Variants in THADA observed in about 807,000 individuals in gnomAD.
THADA encodes the protein tRNA (32-2'-O)-methyltransferase regulator THADA.
A neutral mutation model predicts 219.8 loss-of-function variants in THADA; 213 were observed. The observed-to-expected ratio is 0.97, with a 90% CI of 0.87 to 1.09. The LOEUF (loss-of-function observed/expected upper bound fraction) is 1.09. THADA is among the 50% of genes least tolerant of loss of function. THADA has a pLI of 0.00. For synonymous variants in THADA, 1,018 were observed against 828.9 expected, an observed-to-expected ratio of 1.23 and a Z score of -3.92; for missense variants, 2,956 against 2,311.3, an observed-to-expected ratio of 1.28 and a Z score of -5.72.
chr2:43,297,935 A>ACG (rs1675748692), intron 31 of THADA, among the ~76,000 whole-genome samples: 1 of 78,574 alleles, frequency 1.3e-5, no homozygotes, highest in African/African-American at 8.0e-5. Flanking sequence ...GCCAGCCGCC[A>ACG]TCCGGGAGGG....
At chr2:43,552,713 T>C (rs1310453926) in intron 17 of THADA, among the ~76,000 whole-genome samples, 3 of 152,074 alleles carry the variant, frequency 2.0e-5, no homozygotes, top group Non-Finnish European at 4.4e-5. Context: ...ACAAAATTCA[T>C]ACATTTGAAG....
chr2:43,546,404 A>C (rs575675159), intron 20 of THADA, among the ~76,000 whole-genome samples: 1 of 152,290 alleles, frequency 6.6e-6, no homozygotes, highest in East Asian at 1.9e-4. Flanking sequence ...TGCAGAACTG[A>C]GTTCAATTCC....
intron 35 of THADA, among the ~76,000 whole-genome samples, chr2:43,281,596 C>T (rs1673371938): frequency 6.6e-6 from 1 of 151,830 alleles, no homozygotes; most frequent in Admixed American, 6.6e-5. Context: ...TATGCACCAC[C>T]ACACCCGGCT....
intron 21 of THADA, among the ~76,000 whole-genome samples, chr2:43,534,875 T>A (rs1461512696): frequency 6.6e-6 from 1 of 152,202 alleles, no homozygotes; most frequent in Non-Finnish European, 1.5e-5. Context: ...GTGGGATTGC[T>A]GGATCATACG....
intron 28 of THADA, among the ~76,000 whole-genome samples, chr2:43,412,377 T>G (rs1299786185): frequency 1.3e-5 from 2 of 152,176 alleles, no homozygotes; most frequent in Non-Finnish European, 2.9e-5. Context: ...TCAATACTGT[T>G]TAACTTTTGG....
At chr2:43,591,397 A>G (rs1283172984) in intron 3 of THADA, among the ~76,000 whole-genome samples, 2 of 152,164 alleles carry the variant, frequency 1.3e-5, no homozygotes, top group African/African-American at 4.8e-5. Context: ...ATACTGATTT[A>G]AACACCTATT....
At chr2:43,473,030 AC>A (rs1685097931) in intron 26 of THADA, among the ~76,000 whole-genome samples, 2 of 152,332 alleles carry the variant, frequency 1.3e-5, no homozygotes, top group South Asian at 4.1e-4. Context: ...GGCCTAGAAC[AC>A]TGCTGTACAC....
intron 21 of THADA, among the ~76,000 whole-genome samples, chr2:43,533,994 G>C (rs1226035527): frequency 6.6e-6 from 1 of 152,084 alleles, no homozygotes; most frequent in South Asian, 2.1e-4. Context: ...AAATAATAGA[G>C]TTTAGTAATA....
intron 28 of THADA, among the ~76,000 whole-genome samples, chr2:43,415,771 G>A (rs1169646795): frequency 6.6e-6 from 1 of 152,072 alleles, no homozygotes; most frequent in Non-Finnish European, 1.5e-5. Flanking sequence ...CAAGGAGGAG[G>A]ACACAAGGAA....
chr2:43,381,857 T>A (rs1672075376), intron 29 of THADA, among the ~76,000 whole-genome samples: 1 of 152,184 alleles, frequency 6.6e-6, no homozygotes, highest in Admixed American at 6.5e-5. Context: ...AGTGCTGGGA[T>A]TATGACATGA....
intron 31 of THADA, among the ~76,000 whole-genome samples, chr2:43,314,780 T>C (rs1677890857): frequency 1.3e-5 from 2 of 152,170 alleles, no homozygotes; most frequent in South Asian, 2.1e-4. Context: ...ATACTAACGA[T>C]GACAGCTGGA....
chr2:43,447,249 T>C (rs1433434295), intron 26 of THADA, among the ~76,000 whole-genome samples: 1 of 152,094 alleles, frequency 6.6e-6, no homozygotes, highest in Non-Finnish European at 1.5e-5. Context: ...GGAACTACAA[T>C]TCAAGATGAG....
At chr2:43,270,817 C>T (rs1672032477) in intron 36 of THADA, among the ~76,000 whole-genome samples, 1 of 152,164 alleles carries the variant, frequency 6.6e-6, no homozygotes, top group South Asian at 2.1e-4. Context: ...TGTGAACAGC[C>T]ACCAGTACTC....
chr2:43,574,137 T>C lies in THADA; in HGVS notation c.1729+199A>G, dbSNP rs530036900. Among the ~76,000 whole-genome samples, 48 of 152,314 alleles carry C rather than the reference T, an allele frequency of 3.2e-4. 1 individual carries two copies. In the South Asian group the frequency reaches 9.5e-3, roughly 30 times the overall value. ...TTAAGTGGAATTATTCTTTAGCTTG[T>C]AGAAATGACTTCAGCCAAAAAACTC... is the stretch of plus-strand genomic sequence containing the variant. On this transcript the variant is annotated intron_variant, in intron 11 of 37. Coordinates refer to ENST00000405975, the MANE Select transcript of THADA (RefSeq NM_022065.5).
chr2:43,231,550 C>T lies in THADA; in HGVS notation c.5467-207G>A, dbSNP rs961359697. On this transcript the variant is annotated intron_variant, in intron 37 of 37. Coordinates refer to ENST00000405975, the MANE Select transcript of THADA (RefSeq NM_022065.5). ...TATTTTCACTCACTGTATTTCTCCACCAGAGAGGAATTTTTTCCCCAGACT... is the reference window on the plus strand; with the variant it reads ...TATTTTCACTCACTGTATTTCTCCATCAGAGAGGAATTTTTTCCCCAGACT... 1.4e-3 allele frequency among the ~76,000 whole-genome samples: 206 copies of T among 152,172 alleles called. 2 individuals carry two copies. Among genetic ancestry groups the T allele is most frequent in the Non-Finnish European group, 1.6e-4 (11 of 68,044 alleles).
In THADA at chr2:43,501,307, C is replaced by CAAAAAAAA. The variant is rs60448094; in HGVS notation, c.3622-2360_3622-2353dup. 3.7e-3 allele frequency among the ~76,000 whole-genome samples: 55 copies of CAAAAAAAA among 15,064 alleles called. 1 individual carries two copies. Among genetic ancestry groups the CAAAAAAAA allele is most frequent in the East Asian group, 0.016 (5 of 310 alleles). The allele number at this position is 15,064 out of a possible 152,430, so 9.9% of individuals were successfully genotyped here. On this transcript the variant is annotated intron_variant, in intron 24 of 37. Transcript: ENST00000405975. ...GGCAACAAAAGCGAAACTCCAACTC[C>CAAAAAAAA]AAAAAAAAAAAAAAAAAAAAAAAAA...
At chr2:43,437,714 G>A (rs1455948411) in intron 26 of THADA, among the ~76,000 whole-genome samples, 3 of 152,062 alleles carry the variant, frequency 2.0e-5, no homozygotes. Context: ...CTTTTGTTCT[G>A]GACTTTCCGG....
intron 29 of THADA, among the ~76,000 whole-genome samples, chr2:43,346,189 A>G (rs1667606521): frequency 6.6e-6 from 1 of 152,118 alleles, no homozygotes; most frequent in African/African-American, 2.4e-5. Context: ...GACAGGGGAA[A>G]GAGAAAGGAA....
chr2:43,337,780 C>T (rs1666631657), intron 30 of THADA, among the ~76,000 whole-genome samples: 1 of 151,940 alleles, frequency 6.6e-6, no homozygotes, highest in African/African-American at 2.4e-5. Flanking sequence ...AAATGGGAAA[C>T]AAACTGTATG....
Sources: allele counts gnomAD v4.1 joint callset (sites outside exome capture counted in the v4.1 genomes callset), GRCh38; gene constraint gnomAD v4.1.1; transcripts MANE v1.5; gene names NCBI Gene and HGNC (gene_info 2026-07-23, HGNC 2026-07-21).